LRMDA: variants seen among roughly 807,000 people sequenced by gnomAD.
LRMDA encodes leucine rich melanocyte differentiation associated.
Under a neutral mutation model 29.8 loss-of-function variants are expected in LRMDA, and 18 were observed. The observed-to-expected ratio is 0.60, with a 90% confidence interval of 0.42 to 0.90. The LOEUF (loss-of-function observed/expected upper bound fraction) is 0.90. Ranked by LOEUF, LRMDA falls within the 40% of genes least tolerant of loss-of-function variation. The probability of loss-of-function intolerance (pLI) is 0.00; values close to 1 mark genes in which losing one functional copy is unlikely to be tolerated. For synonymous variants in LRMDA, 125 were observed against 109.4 expected, an observed-to-expected ratio of 1.14 and a Z score of -0.89; for missense variants, 273 against 273.9, an observed-to-expected ratio of 1.00 and a Z score of 0.02.
At chr10:75,884,345 A>C (rs1339486534) in intron 2 of LRMDA, among the ~76,000 whole-genome samples, 1 of 151,482 alleles carries the variant, frequency 6.6e-6, no homozygotes, top group Non-Finnish European at 1.5e-5. Flanking sequence ...AAATTTAATT[A>C]AGGTCTAAAC....
At position 76,363,142 on chromosome 10, in the gene LRMDA, A is replaced by AAAGT. The variant is rs1841333841; in HGVS notation, c.601+38660_601+38661insTAAG. 1.7e-4 allele frequency among the ~76,000 whole-genome samples: 6 copies of AAAGT among 34,336 alleles called. No homozygotes were observed. In the South Asian group the frequency reaches 4.1e-3, roughly 23 times the overall value. 22.5% of individuals were successfully genotyped at this position (34,336 alleles called of 152,430 possible). Reference sequence around the variant, plus strand: ...GAAAGAAAGAAAGAAAGAAAGAAAGAAAGAAAGAAAGAAAGAAAGAAAGAA... The same window carrying AAAGT: ...GAAAGAAAGAAAGAAAGAAAGAAAGAAAGTAAGAAAGAAAGAAAGAAAGAAAGAA... On this transcript the variant is annotated intron_variant, in intron 6 of 6. Coordinates refer to ENST00000611255, the MANE Select transcript of LRMDA (RefSeq NM_001305581.2).
In LRMDA at chr10:75,981,496, T is replaced by C. The variant is rs138665026; in HGVS notation, c.132-54512T>C. ...GTGGGTTTTCAGATGCAATAGTTACTCTTCTACTGGAATGGTTTCTTTGGC... is the reference window on the plus strand; with the variant it reads ...GTGGGTTTTCAGATGCAATAGTTACCCTTCTACTGGAATGGTTTCTTTGGC... On this transcript the variant is annotated intron_variant, in intron 2 of 6. Coordinates refer to ENST00000611255, the MANE Select transcript of LRMDA (RefSeq NM_001305581.2). Among the ~76,000 whole-genome samples the C allele has an allele frequency of 1.8e-3, 271 of 152,338 alleles. 1 individual carries two copies. The highest frequency in any genetic ancestry group is 6.1e-3 in the African/African-American group (254 of 41,580).
Position 75,719,219 on chromosome 10 carries a change from C to A in LRMDA, c.131+280725C>A, listed in dbSNP as rs1309636008. On this transcript the variant is annotated intron_variant, in intron 2 of 6. Coordinates refer to ENST00000611255, the MANE Select transcript of LRMDA (RefSeq NM_001305581.2). ...TGTACTACTGAGTTTAAGAAGGATG[C>A]AGATTTGGCAGAAGTCCAGAGGAAC... Among the ~76,000 whole-genome samples the A allele has an allele frequency of 5.9e-5, 9 of 152,262 alleles. No individual in the cohort carries two copies. In the East Asian group the frequency reaches 1.7e-3, roughly 29 times the overall value.
chr10:76,266,077 C>T (rs564295350), intron 5 of LRMDA, among the ~76,000 whole-genome samples: 1 of 152,238 alleles, frequency 6.6e-6, no homozygotes, highest in African/African-American at 2.4e-5. Flanking sequence ...CCTCTTTAAG[C>T]CTTGATTAAC....
intron 2 of LRMDA, among the ~76,000 whole-genome samples, chr10:75,767,438 T>C (rs182528012): frequency 1.2e-4 from 19 of 152,360 alleles, no homozygotes; most frequent in Non-Finnish European, 2.2e-4. Context: ...TGCATAAGTT[T>C]TCTAATGCCT....
At chr10:75,531,971 A>G (rs1845482263) in intron 2 of LRMDA, among the ~76,000 whole-genome samples, 1 of 149,416 alleles carries the variant, frequency 6.7e-6, no homozygotes, top group Admixed American at 6.7e-5. Context: ...ACTCGAGCCC[A>G]GGAATTTGAG....
intron 5 of LRMDA, among the ~76,000 whole-genome samples, chr10:76,289,336 C>T (rs1840310618): frequency 6.6e-6 from 1 of 152,102 alleles, no homozygotes; most frequent in Admixed American, 6.6e-5. Context: ...CTAAGTTGTA[C>T]CTGCCAAATC....
intron 5 of LRMDA, among the ~76,000 whole-genome samples, chr10:76,179,298 T>G (rs2132205432): frequency 6.6e-6 from 1 of 152,184 alleles, no homozygotes. Flanking sequence ...CACCTTGGAC[T>G]TACAGAATCC....
At chr10:75,946,700 A>G (rs1227754692) in intron 2 of LRMDA, among the ~76,000 whole-genome samples, 1 of 152,176 alleles carries the variant, frequency 6.6e-6, no homozygotes, top group African/African-American at 2.4e-5. Flanking sequence ...TTCCCATTTT[A>G]TAACATTAGT....
chr10:75,530,148 AAAG>A lies in LRMDA; in HGVS notation c.131+91661_131+91663del, dbSNP rs567061391. Among the ~76,000 whole-genome samples, 502 of 147,820 alleles carry A rather than the reference AAAG, an allele frequency of 3.4e-3. 3 individuals carry two copies. Among genetic ancestry groups the A allele is most frequent in the East Asian group, 0.013 (69 of 5,196 alleles). ...ATATATAAAACTTTGTAAAAAAAAT[AAAG>A]AAGAAGGCTAAAAACAGATTAAAAA... On this transcript the variant is annotated intron_variant, in intron 2 of 6. Transcript: ENST00000611255.
At chr10:75,703,298 C>T (rs1043987424) in intron 2 of LRMDA, among the ~76,000 whole-genome samples, 4 of 152,110 alleles carry the variant, frequency 2.6e-5, no homozygotes, top group East Asian at 1.9e-4. Context: ...GGGACGCAAG[C>T]GTCATATAAA....
intron 6 of LRMDA, among the ~76,000 whole-genome samples, chr10:76,547,461 T>G (rs1207196884): frequency 1.3e-5 from 2 of 152,116 alleles, no homozygotes; most frequent in Non-Finnish European, 2.9e-5. Flanking sequence ...AAGCACAGTG[T>G]GGCTATAATG....
At chr10:75,447,069 G>A (rs1844404414) in intron 2 of LRMDA, among the ~76,000 whole-genome samples, 2 of 152,190 alleles carry the variant, frequency 1.3e-5, no homozygotes, top group Admixed American at 1.3e-4. Context: ...AGAAAAGATA[G>A]ACTTTAGAAG....
At chr10:75,512,287 G>C (rs1845234050) in intron 2 of LRMDA, among the ~76,000 whole-genome samples, 1 of 151,994 alleles carries the variant, frequency 6.6e-6, no homozygotes, top group Admixed American at 6.6e-5. Context: ...AGGTGCTGGT[G>C]ATCAGAACTG....
chr10:75,562,216 T>C (rs1840307069), intron 2 of LRMDA, among the ~76,000 whole-genome samples: 1 of 152,174 alleles, frequency 6.6e-6, no homozygotes, highest in African/African-American at 2.4e-5. Flanking sequence ...TGGGTGCTCC[T>C]GTATTGGGTG....
intron 2 of LRMDA, among the ~76,000 whole-genome samples, chr10:75,964,792 G>A (rs1472732598): frequency 6.6e-6 from 1 of 152,118 alleles, no homozygotes; most frequent in African/African-American, 2.4e-5. Flanking sequence ...TTTTGAGATG[G>A]GGTCTCACTC....
chr10:76,149,485 G>T (rs12411540), intron 5 of LRMDA, among the ~76,000 whole-genome samples: 17,024 of 152,156 alleles, frequency 0.11, 1,103 homozygotes, highest in East Asian at 0.24. Context: ...CTACATTTTT[G>T]TCATTTAGTA....
chr10:75,747,678 G>T (rs1427262463), intron 2 of LRMDA, among the ~76,000 whole-genome samples: 1 of 152,028 alleles, frequency 6.6e-6, no homozygotes, highest in Non-Finnish European at 1.5e-5. Flanking sequence ...GATATTTTAG[G>T]GTCATAGGGT....
At chr10:75,890,753 A>G (rs1845473255) in intron 2 of LRMDA, among the ~76,000 whole-genome samples, 1 of 152,178 alleles carries the variant, frequency 6.6e-6, no homozygotes, top group South Asian at 2.1e-4. Context: ...GTGTCATGTC[A>G]TGTTGCACAT....
Sources: allele counts gnomAD v4.1 joint callset (sites outside exome capture counted in the v4.1 genomes callset), GRCh38; gene constraint gnomAD v4.1.1; transcripts MANE v1.5; gene names NCBI Gene and HGNC (gene_info 2026-07-23, HGNC 2026-07-21).